The following RASSF8 variants were observed in gnomAD, a reference collection of about 807,000 sequenced individuals.
RASSF8 encodes the protein ras association domain-containing protein 8.
A neutral mutation model predicts 48.5 loss-of-function variants in RASSF8; 22 were observed. That is an observed-to-expected ratio of 0.45 (90% confidence interval 0.32 to 0.65). The LOEUF (loss-of-function observed/expected upper bound fraction) is 0.65. RASSF8 is among the 30% of genes least tolerant of loss of function. The pLI is 0.03. For synonymous variants in RASSF8, 127 were observed against 171.5 expected (o/e 0.74, Z 2.03); for missense variants, 418 against 489.2 (o/e 0.85, Z 1.37).
intron 2 of RASSF8, among the ~76,000 whole-genome samples, chr12:26,037,375 G>A (rs1314178666): frequency 6.6e-6 from 1 of 152,112 alleles, no homozygotes; most frequent in Non-Finnish European, 1.5e-5. Flanking sequence ...TCTTTAAAAA[G>A]TAAACGCTAT....
At chr12:26,054,628 G>A (rs1943562451) in intron 2 of RASSF8, among the ~76,000 whole-genome samples, 1 of 152,120 alleles carries the variant, frequency 6.6e-6, no homozygotes, top group Non-Finnish European at 1.5e-5. Context: ...TGTGGGGAGA[G>A]GGAGGCAAGG....
intron 3 of RASSF8, among the ~76,000 whole-genome samples, chr12:26,062,313 T>C (rs978958314): frequency 6.6e-6 from 1 of 152,244 alleles, no homozygotes; most frequent in African/African-American, 2.4e-5. Context: ...CTGAAAATCA[T>C]TGGAAACATT....
chr12:25,962,855 T>C (rs751454716), intron 1 of RASSF8, among the ~76,000 whole-genome samples: 43 of 152,226 alleles, frequency 2.8e-4, no homozygotes, highest in Non-Finnish European at 5.1e-4. Context: ...CCTTTGCAAA[T>C]ATCAGGTAAA....
At chr12:26,020,810 C>A (rs906101765) in intron 2 of RASSF8, among the ~76,000 whole-genome samples, 4 of 152,048 alleles carry the variant, frequency 2.6e-5, no homozygotes, top group African/African-American at 9.7e-5. Context: ...TTTGTTTAAA[C>A]CTTGCTTTTC....
chr12:25,960,682 A>G (rs1941210516), intron 1 of RASSF8, among the ~76,000 whole-genome samples: 1 of 152,072 alleles, frequency 6.6e-6, no homozygotes, highest in African/African-American at 2.4e-5. Context: ...TTTTTCCTCA[A>G]GAGTCTCCAG....
chr12:26,033,505 T>G (rs1297534360), intron 2 of RASSF8, among the ~76,000 whole-genome samples: 1 of 152,190 alleles, frequency 6.6e-6, no homozygotes, highest in Non-Finnish European at 1.5e-5. Context: ...TTTTCTAGAA[T>G]GTAAGTGGTT....
intron 1 of RASSF8, chr12:25,973,855 C>T (rs1261625693): frequency 6.6e-6 from 1 of 152,180 alleles, no homozygotes; most frequent in Non-Finnish European, 1.5e-5. Flanking sequence ...TCCCAGTCTC[C>T]AGAACTGTGA....
At chr12:25,980,390 C>G (rs1209556938) in intron 1 of RASSF8, among the ~76,000 whole-genome samples, 1 of 152,158 alleles carries the variant, frequency 6.6e-6, no homozygotes, top group East Asian at 1.9e-4. Context: ...AGAGTAAATG[C>G]AGTAACTGCT....
chr12:26,028,857 T>A (rs1394990011), intron 2 of RASSF8, among the ~76,000 whole-genome samples: 1 of 151,780 alleles, frequency 6.6e-6, no homozygotes, highest in Non-Finnish European at 1.5e-5. Context: ...GATCTCTTTC[T>A]CTCCAATTCT....
intron 1 of RASSF8, among the ~76,000 whole-genome samples, chr12:25,968,424 C>T (rs1367141348): frequency 1.3e-5 from 2 of 152,158 alleles, no homozygotes; most frequent in Non-Finnish European, 2.9e-5. Context: ...CTCACTGCAG[C>T]CCCCGCCTCC....
chr12:25,983,058 ACAGT>A (rs779218214), intron 1 of RASSF8, among the ~76,000 whole-genome samples: 9 of 152,332 alleles, frequency 5.9e-5, no homozygotes, highest in South Asian at 2.1e-4. Flanking sequence ...AATTTTAATG[ACAGT>A]CAGGAATCAC....
chr12:26,078,323 C>T (rs2137358553), intron 5 of RASSF8, among the ~76,000 whole-genome samples: 1 of 152,228 alleles, frequency 6.6e-6, no homozygotes, highest in African/African-American at 2.4e-5. Flanking sequence ...CTTGAGAAGT[C>T]CTCTCTTAAA....
intron 2 of RASSF8, among the ~76,000 whole-genome samples, chr12:26,044,954 T>C (rs369761455): frequency 2.0e-5 from 3 of 152,176 alleles, no homozygotes; most frequent in East Asian, 3.8e-4. Flanking sequence ...ATAATGAGCC[T>C]CTCTTCAAAT....
At position 26,072,828 on chromosome 12, in the gene RASSF8, G is replaced by A. The variant is rs1478353214; in HGVS notation, c.*4010G>A. 6.6e-6 allele frequency: 6 copies of A among 911,184 alleles called. No individual in the cohort carries two copies. Among genetic ancestry groups the A allele is most frequent in the African/African-American group, 3.6e-5 (2 of 55,350 alleles). The allele number at this position is 911,184 out of a possible 1,614,324, so 56.4% of individuals were successfully genotyped here. A position where few individuals can be genotyped will look rare whatever the true frequency, so the allele number is the denominator to read the frequency against. On this transcript the variant is annotated 3_prime_UTR_variant, in exon 6 of 6. Coordinates refer to ENST00000689635, the MANE Select transcript of RASSF8 (RefSeq NM_001394098.1). ...GCTGTAAAACAAAGAATCAATATTG[G>A]ATATTCTCCCAAATAATAAATTTTC...
chr12:26,025,067 A>G (rs1455614335), intron 2 of RASSF8, among the ~76,000 whole-genome samples: 2 of 152,220 alleles, frequency 1.3e-5, no homozygotes, highest in African/African-American at 2.4e-5. Flanking sequence ...TCTTTATGAT[A>G]AAAAACATTC....
Position 26,070,582 on chromosome 12 carries a change from G to A in RASSF8, c.*1764G>A. On this transcript the variant is annotated 3_prime_UTR_variant, in exon 6 of 6. Coordinates refer to ENST00000689635, the MANE Select transcript of RASSF8 (RefSeq NM_001394098.1). ...TGTACACATTTGCTCACAATTTATA[G>A]TAGTTATTTTCTATCTACCTATATT... is the stretch of plus-strand genomic sequence containing the variant. 1.0e-6 allele frequency: 1 copy of A among 971,880 alleles called. No individual in the cohort carries two copies. The highest frequency in any genetic ancestry group is 1.2e-6 in the Non-Finnish European group (1 of 817,692). 60.2% of individuals were successfully genotyped at this position (971,880 alleles called of 1,614,324 possible). A position where few individuals can be genotyped will look rare whatever the true frequency, so the allele number is the denominator to read the frequency against.
intron 1 of RASSF8, among the ~76,000 whole-genome samples, chr12:25,977,020 G>T (rs2136888855): frequency 6.6e-6 from 1 of 152,242 alleles, no homozygotes; most frequent in Admixed American, 6.5e-5. Flanking sequence ...TAGTCTTTCA[G>T]CCACTTTTGT....
chr12:26,050,480 C>G (rs889153946), intron 2 of RASSF8, among the ~76,000 whole-genome samples: 1 of 152,186 alleles, frequency 6.6e-6, no homozygotes, highest in Non-Finnish European at 1.5e-5. Flanking sequence ...ACAAATGCTG[C>G]TTGGAAAAAT....
At position 26,040,866 on chromosome 12, in the gene RASSF8, A is replaced by G. The variant is rs564973810; in HGVS notation, c.-108-14370A>G. Among the ~76,000 whole-genome samples the G allele has an allele frequency of 2.3e-4, 34 of 150,966 alleles. 2 individuals carry two copies. In the South Asian group the frequency reaches 7.1e-3, roughly 32 times the overall value. The stretch of plus-strand genomic sequence containing the variant: ...TAGTTTATTCTTATTTTTTGTTAGT[A>G]TTCTTATACTAACAATTATACATAG... On this transcript the variant is annotated intron_variant, in intron 2 of 5. Coordinates refer to ENST00000689635, the MANE Select transcript of RASSF8 (RefSeq NM_001394098.1).
Sources: gnomAD v4.1 joint callset for allele counts (sites outside exome capture counted in the v4.1 genomes callset) on GRCh38, gnomAD v4.1.1 for gene constraint, MANE v1.5 for transcripts, NCBI Gene and HGNC (gene_info 2026-07-23, HGNC 2026-07-21) for gene names.